BTBD9: variants seen among roughly 807,000 people sequenced by gnomAD.
BTBD9 encodes the protein BTB domain containing 9.
A neutral mutation model predicts 64.3 loss-of-function variants in BTBD9; 49 were observed. The ratio of observed to expected loss-of-function variants is 0.76; its 90% CI spans 0.61 to 0.97. BTBD9 has a LOEUF of 0.97. Among genes scored for constraint, BTBD9 ranks in the 50% least tolerant of loss-of-function variants. BTBD9 has a pLI of 0.00. For missense variants in BTBD9, 598 were observed against 762.1 expected (o/e 0.78, Z 2.53); for synonymous variants, 260 against 274.7 (o/e 0.95, Z 0.53).
intron 6 of BTBD9, among the ~76,000 whole-genome samples, chr6:38,397,398 T>C (rs759198871): frequency 5.9e-5 from 9 of 152,162 alleles, no homozygotes; most frequent in Admixed American, 1.3e-4. Context: ...CATTGCCAGA[T>C]AGAAATGACT....
At chr6:38,526,616 C>G (rs1217858276) in intron 6 of BTBD9, among the ~76,000 whole-genome samples, 1 of 152,200 alleles carries the variant, frequency 6.6e-6, no homozygotes, top group Non-Finnish European at 1.5e-5. Flanking sequence ...AAGGAGCTGT[C>G]CAAGACTGTG....
intron 5 of BTBD9, among the ~76,000 whole-genome samples, chr6:38,579,420 A>G (rs1451603291): frequency 6.6e-6 from 1 of 152,214 alleles, no homozygotes; most frequent in Admixed American, 6.5e-5. Context: ...GCAATGAAGG[A>G]AACAGTTCAG....
chr6:38,600,935 C>T (rs1281172782), intron 1 of BTBD9, among the ~76,000 whole-genome samples: 1 of 152,054 alleles, frequency 6.6e-6, no homozygotes, highest in East Asian at 1.9e-4. Flanking sequence ...GTATAGAAAA[C>T]AGCCACTTAG....
intron 6 of BTBD9, among the ~76,000 whole-genome samples, chr6:38,445,637 C>A (rs1769243218): frequency 6.6e-6 from 1 of 152,128 alleles, no homozygotes; most frequent in Non-Finnish European, 1.5e-5. Context: ...AAAAAATATT[C>A]TTTTTGGGTT....
At chr6:38,323,197 T>C (rs564296617) in intron 7 of BTBD9, among the ~76,000 whole-genome samples, 2 of 152,224 alleles carry the variant, frequency 1.3e-5, no homozygotes, top group Non-Finnish European at 2.9e-5. Context: ...GTCATGAAAT[T>C]ACACAGCAGC....
chr6:38,256,902 G>C (rs1393897462), intron 8 of BTBD9, among the ~76,000 whole-genome samples: 1 of 152,062 alleles, frequency 6.6e-6, no homozygotes, highest in East Asian at 1.9e-4. Flanking sequence ...TATTTTTAGA[G>C]ACAAGGTGTT....
chr6:38,460,025 A>G (rs753941813), intron 6 of BTBD9, among the ~76,000 whole-genome samples: 1 of 152,234 alleles, frequency 6.6e-6, no homozygotes, highest in Non-Finnish European at 1.5e-5. Context: ...ATAAATTTCA[A>G]TTAGAAAATC....
intron 6 of BTBD9, among the ~76,000 whole-genome samples, chr6:38,467,483 T>C (rs1330888444): frequency 6.6e-6 from 1 of 152,194 alleles, no homozygotes; most frequent in Non-Finnish European, 1.5e-5. Context: ...TCAGGTATAC[T>C]AGAGATAGTT....
At chr6:38,352,633 T>C (rs1040617064) in intron 6 of BTBD9, among the ~76,000 whole-genome samples, 4 of 152,228 alleles carry the variant, frequency 2.6e-5, no homozygotes, top group Non-Finnish European at 5.9e-5. Context: ...AGGCTCCACA[T>C]GTGTAGTAGT....
chr6:38,358,833 G>A (rs571401064), intron 6 of BTBD9, among the ~76,000 whole-genome samples: 175 of 151,406 alleles, frequency 1.2e-3, no homozygotes, highest in Admixed American at 2.0e-3. Context: ...CTGCAGTGGC[G>A]CAATCTCGGC....
intron 4 of BTBD9, among the ~76,000 whole-genome samples, chr6:38,592,261 G>A (rs1263622579): frequency 6.6e-6 from 1 of 152,092 alleles, no homozygotes; most frequent in Non-Finnish European, 1.5e-5. Context: ...TTATTTGATG[G>A]AGGAAGGAAG....
Position 38,543,844 on chromosome 6 carries a change from C to T in BTBD9, c.1154+33756G>A, listed in dbSNP as rs966306254. The stretch of plus-strand genomic sequence containing the variant: ...TGTTGGCGGGCGCCTGTAGTCCCAG[C>T]TACTTGGGAGGCTGAGGCAGGAGAA... On this transcript the variant is annotated intron_variant, in intron 6 of 10. Coordinates refer to ENST00000481247, the MANE Select transcript of BTBD9 (RefSeq NM_001099272.2). 2.1e-3 allele frequency among the ~76,000 whole-genome samples: 323 copies of T among 151,762 alleles called. 5 individuals carry two copies. The highest frequency in any genetic ancestry group is 2.4e-3 in the Non-Finnish European group (160 of 67,950).
intron 7 of BTBD9, among the ~76,000 whole-genome samples, chr6:38,298,021 T>A (rs929901569): frequency 6.6e-5 from 10 of 151,664 alleles, no homozygotes; most frequent in African/African-American, 2.4e-4. Context: ...TTTTATTTTA[T>A]ATATTTTTTA....
At chr6:38,225,680 G>A (rs1763370233) in intron 9 of BTBD9, among the ~76,000 whole-genome samples, 1 of 152,080 alleles carries the variant, frequency 6.6e-6, no homozygotes, top group Non-Finnish European at 1.5e-5. Context: ...GAATAACAGG[G>A]GAGGCCAACT....
intron 7 of BTBD9, among the ~76,000 whole-genome samples, chr6:38,316,481 T>G (rs1216252161): frequency 2.0e-5 from 3 of 152,180 alleles, no homozygotes; most frequent in African/African-American, 7.2e-5. Flanking sequence ...AGATTTGAGG[T>G]TACCATGAGA....
intron 6 of BTBD9, among the ~76,000 whole-genome samples, chr6:38,414,137 TA>T (rs1361072366): frequency 6.6e-6 from 1 of 152,192 alleles, no homozygotes; most frequent in Admixed American, 6.5e-5. Flanking sequence ...GGACTATCAC[TA>T]AAAGAGACTG....
At chr6:38,183,076 T>C (rs1554125771) in intron 10 of BTBD9, among the ~76,000 whole-genome samples, 1 of 151,266 alleles carries the variant, frequency 6.6e-6, no homozygotes, top group Non-Finnish European at 1.5e-5. Flanking sequence ...GCCTCCCGGG[T>C]TCATGCCATT....
intron 6 of BTBD9, among the ~76,000 whole-genome samples, chr6:38,427,590 T>C (rs2127289820): frequency 6.6e-6 from 1 of 152,098 alleles, no homozygotes; most frequent in Non-Finnish European, 1.5e-5. Flanking sequence ...TTTGTTTTTC[T>C]AACCTGTGTG....
intron 9 of BTBD9, among the ~76,000 whole-genome samples, chr6:38,242,757 C>T (rs1272128357): frequency 6.6e-6 from 1 of 152,196 alleles, no homozygotes; most frequent in African/African-American, 2.4e-5. Context: ...CAAAGTTGTG[C>T]ATTTGACTAC....
Sources: gnomAD v4.1 joint callset for allele counts (sites outside exome capture counted in the v4.1 genomes callset) on GRCh38, gnomAD v4.1.1 for gene constraint, MANE v1.5 for transcripts, NCBI Gene and HGNC (gene_info 2026-07-23, HGNC 2026-07-21) for gene names.